DPP6: variants seen among roughly 807,000 people sequenced by gnomAD.
The protein encoded by DPP6 is dipeptidyl peptidase like 6, also known as A-type potassium channel modulatory protein DPP6.
In DPP6, 69 loss-of-function variants were observed where a neutral mutation model predicts 122.6. The observed-to-expected ratio is 0.56, with a 90% CI of 0.46 to 0.69. DPP6 has a LOEUF of 0.69. Ranked by LOEUF, DPP6 falls within the 30% of genes least tolerant of loss-of-function variation. The pLI is 0.00. For missense variants in DPP6, 928 were observed against 1,116.9 expected, an observed-to-expected ratio of 0.83 and a Z score of 2.41; for synonymous variants, 418 against 433.1, an observed-to-expected ratio of 0.97 and a Z score of 0.43.
At position 154,803,929 on chromosome 7, in the gene DPP6, A is replaced by G; in HGVS notation, c.1473A>G (p.Leu491=). The change falls in exon 14 of 26, where the codon CTA becomes CTG. Residue 491 remains leucine, a synonymous_variant. Transcript: ENST00000377770. ...TSGDWDVTKI[L]AYDEKGNKIY... ...GGGACTGGGACGTGACCAAGATCCT[A>G]GCCTACGATGAGAAGGGGAATAAGA... The G allele has an allele frequency of 6.2e-7, 1 of 1,613,920 alleles. No individual in the cohort carries two copies. Among genetic ancestry groups the G allele is most frequent in the East Asian group, 2.2e-5 (1 of 44,888 alleles).
In DPP6 at chr7:154,566,022, G is replaced by A. The variant is rs116208751; in HGVS notation, c.553-820G>A. Among the ~76,000 whole-genome samples, 527 of 152,220 alleles carry A rather than the reference G, an allele frequency of 3.5e-3. 3 individuals are homozygous for A. Among genetic ancestry groups the A allele is most frequent in the African/African-American group, 0.012 (513 of 41,530 alleles). ...CACAGTTGATGGTATCATTTATGTCGGATGATGTTTGTACTATGAAGAAAT... is the reference window on the plus strand; with the variant it reads ...CACAGTTGATGGTATCATTTATGTCAGATGATGTTTGTACTATGAAGAAAT... On this transcript the variant is annotated intron_variant, in intron 4 of 25. Coordinates refer to ENST00000377770, the MANE Select transcript of DPP6 (RefSeq NM_130797.4).
chr7:154,691,132 G>A (rs1353508432), intron 7 of DPP6, among the ~76,000 whole-genome samples: 1 of 152,216 alleles, frequency 6.6e-6, no homozygotes, highest in African/African-American at 2.4e-5. Context: ...AATGTACGGG[G>A]AAGGCTTCCA....
intron 1 of DPP6, among the ~76,000 whole-genome samples, chr7:154,257,457 G>A (rs1163321499): frequency 1.3e-5 from 2 of 152,056 alleles, no homozygotes; most frequent in Admixed American, 6.5e-5. Flanking sequence ...CACTTTGGGA[G>A]GCTGAGGCAG....
At chr7:154,472,129 A>G (rs1276530920) in intron 2 of DPP6, among the ~76,000 whole-genome samples, 1 of 152,240 alleles carries the variant, frequency 6.6e-6, no homozygotes, top group East Asian at 1.9e-4. Flanking sequence ...ATTGTATGAG[A>G]TAATTACTGG....
chr7:154,475,385 G>A (rs1256459469), intron 3 of DPP6: 1 of 320,762 alleles, frequency 3.1e-6, no homozygotes. Flanking sequence ...AGGGCACGGT[G>A]AGCTTTCCTT....
intron 16 of DPP6, among the ~76,000 whole-genome samples, chr7:154,830,394 T>C (rs1052786888): frequency 1.3e-5 from 2 of 152,134 alleles, no homozygotes; most frequent in Admixed American, 1.3e-4. Flanking sequence ...GGCAGTTTGG[T>C]CCAACAAAGA....
At chr7:154,440,400 G>A (rs949115006) in intron 1 of DPP6, among the ~76,000 whole-genome samples, 1 of 152,174 alleles carries the variant, frequency 6.6e-6, no homozygotes, top group African/African-American at 2.4e-5. Flanking sequence ...ACAGTCACAA[G>A]GAAAGGAGCA....
chr7:153,909,937 G>T lies in DPP6; in HGVS notation c.51+22203G>T, dbSNP rs540163678. ...TTTGTCTCAGGCTGTCTTCTGTCCTGCTAAGGGGCCATTCACCCGCCCTAG... is the reference window on the plus strand; with the variant it reads ...TTTGTCTCAGGCTGTCTTCTGTCCTTCTAAGGGGCCATTCACCCGCCCTAG... On this transcript the variant is annotated intron_variant, in intron 1 of 25. Transcript: ENST00000404039. Among the ~76,000 whole-genome samples the T allele has an allele frequency of 9.2e-5, 14 of 152,202 alleles. No individual in the cohort carries two copies. In the South Asian group the frequency reaches 2.9e-3, roughly 32 times the overall value.
chr7:153,845,746 G>A, the DPP6 span, among the ~76,000 whole-genome samples: 6 of 151,750 alleles, frequency 4.0e-5, no homozygotes, highest in East Asian at 1.9e-4. Context: ...TTGTGGTTAC[G>A]GTAGGCATTT....
chr7:154,677,349 TC>T (rs1290530602), intron 7 of DPP6, among the ~76,000 whole-genome samples: 22 of 152,324 alleles, frequency 1.4e-4, no homozygotes, highest in Admixed American at 7.2e-4. Flanking sequence ...GACACTTTTT[TC>T]TATGAATCAG....
intron 3 of DPP6, among the ~76,000 whole-genome samples, chr7:154,523,475 T>C (rs577772977): frequency 6.6e-6 from 1 of 152,342 alleles, no homozygotes; most frequent in South Asian, 2.1e-4. Context: ...AGGAACATCA[T>C]TGTATCTGAC....
chr7:154,798,921 C>T (rs138823322), intron 12 of DPP6, among the ~76,000 whole-genome samples: 193 of 152,296 alleles, frequency 1.3e-3, no homozygotes, highest in Non-Finnish European at 2.6e-3. Context: ...CTGCTGCCAG[C>T]GAAGCCATTG....
exon 1 of DPP6, chr7:153,887,497 C>A: frequency 1.8e-6 from 1 of 570,938 alleles, no homozygotes; most frequent in Non-Finnish European, 3.1e-6. Context: ...TATTGGGATC[C>A]GCTGAGTAAA....
At chr7:154,311,212 A>G (rs1174245245) in intron 1 of DPP6, among the ~76,000 whole-genome samples, 1 of 152,190 alleles carries the variant, frequency 6.6e-6, no homozygotes. Flanking sequence ...GTCAATTTGC[A>G]TGGGGAGCCG....
At chr7:154,853,244 C>G (rs921587051) in intron 16 of DPP6, among the ~76,000 whole-genome samples, 3 of 152,224 alleles carry the variant, frequency 2.0e-5, no homozygotes, top group African/African-American at 7.2e-5. Flanking sequence ...AACATTCCTG[C>G]AGCTGGGAAG....
At chr7:154,181,627 G>A (rs1330059678) in intron 1 of DPP6, among the ~76,000 whole-genome samples, 1 of 152,122 alleles carries the variant, frequency 6.6e-6, no homozygotes, top group Non-Finnish European at 1.5e-5. Context: ...ATGTAAGGCA[G>A]CATAATATTA....
intron 1 of DPP6, among the ~76,000 whole-genome samples, chr7:153,955,885 A>G (rs1000169524): frequency 6.6e-6 from 1 of 152,202 alleles, no homozygotes; most frequent in Non-Finnish European, 1.5e-5. Context: ...GCACTCTCAG[A>G]TATAGCTACT....
intron 1 of DPP6, among the ~76,000 whole-genome samples, chr7:153,969,713 A>T (rs1452600527): frequency 1.4e-5 from 2 of 147,490 alleles, no homozygotes; most frequent in South Asian, 2.1e-4. Context: ...ATTCATTCAC[A>T]TTCTCTAATT....
At chr7:154,337,269 C>G (rs970103398) in intron 1 of DPP6, among the ~76,000 whole-genome samples, 3 of 152,242 alleles carry the variant, frequency 2.0e-5, no homozygotes, top group East Asian at 3.9e-4. Flanking sequence ...GCAAATGCCC[C>G]CGGCCAGGGT....
Sources: gnomAD v4.1 joint callset for allele counts (sites outside exome capture counted in the v4.1 genomes callset) on GRCh38, gnomAD v4.1.1 for gene constraint, MANE v1.5 for transcripts, NCBI Gene and HGNC (gene_info 2026-07-23, HGNC 2026-07-21) for gene names.